Variants in RNF115 observed in about 807,000 individuals in gnomAD.
RNF115 encodes the protein E3 ubiquitin-protein ligase RNF115.
Under a neutral mutation model 39.2 loss-of-function variants are expected in RNF115, and 31 were observed. The ratio of observed to expected loss-of-function variants is 0.79; its 90% CI spans 0.59 to 1.07. The LOEUF (loss-of-function observed/expected upper bound fraction) is 1.07, where lower values mean the gene tolerates loss of function less well. Among genes scored for constraint, RNF115 ranks in the 50% least tolerant of loss-of-function variants. RNF115 has a pLI of 0.00. For synonymous variants in RNF115, 124 were observed against 131.0 expected (o/e 0.95, Z 0.37); for missense variants, 384 against 381.7 (o/e 1.01, Z -0.05).
At chr1:145,770,038 A>G (rs1348425302) in intron 4 of RNF115, among the ~76,000 whole-genome samples, 2 of 152,214 alleles carry the variant, frequency 1.3e-5, no homozygotes, top group African/African-American at 4.8e-5. Flanking sequence ...AAGAGGTTTT[A>G]GTGCTCCTTG....
At chr1:145,768,598 G>A (rs186961651) in intron 4 of RNF115, among the ~76,000 whole-genome samples, 81 of 152,216 alleles carry the variant, frequency 5.3e-4, no homozygotes, top group African/African-American at 1.8e-3. Context: ...ACAGGTGTGA[G>A]CCACCGCACC....
At chr1:145,760,753 G>A (rs782771200) in intron 4 of RNF115, among the ~76,000 whole-genome samples, 12 of 152,138 alleles carry the variant, frequency 7.9e-5, no homozygotes, top group Non-Finnish European at 1.8e-4. Context: ...TGCCAGGAGT[G>A]GGGCATTGCT....
intron 1 of RNF115, among the ~76,000 whole-genome samples, chr1:145,802,926 C>A (rs1214608195): frequency 2.6e-5 from 4 of 152,160 alleles, no homozygotes; most frequent in Non-Finnish European, 5.9e-5. Flanking sequence ...CCAGGTTATA[C>A]ATCCTCCTCC....
chr1:145,764,515 T>G (rs1456733658), intron 4 of RNF115, among the ~76,000 whole-genome samples: 1 of 149,370 alleles, frequency 6.7e-6, no homozygotes, highest in African/African-American at 2.5e-5. Context: ...GAGGAGCCCC[T>G]CCGCCCGGCA....
At chr1:145,819,846 C>T (rs1417932749) in intron 1 of RNF115, among the ~76,000 whole-genome samples, 16 of 152,088 alleles carry the variant, frequency 1.1e-4, no homozygotes, top group Non-Finnish European at 2.1e-4. Context: ...AAAGCCAACC[C>T]GGCCAACACG....
chr1:145,780,614 C>T (rs1465452651), intron 3 of RNF115, among the ~76,000 whole-genome samples: 10 of 135,320 alleles, frequency 7.4e-5, no homozygotes, highest in South Asian at 2.4e-4. Context: ...AGTGAGACTC[C>T]GTCTAAAAAA....
At position 145,784,535 on chromosome 1, in the gene RNF115, T is replaced by C. The variant is rs1648289854; in HGVS notation, c.219+4A>G. ...AGAATTCCTACAGCTAAAGGAAAAC[T>C]TACCTCTGCAAAATGTGTTGTTGTG... On this transcript the variant is annotated splice_donor_region_variant and intron_variant, in intron 3 of 8. Coordinates refer to ENST00000582693, the MANE Select transcript of RNF115 (RefSeq NM_014455.4). The C allele has an allele frequency of 6.2e-7, 1 of 1,613,618 alleles. No individual in the cohort carries two copies. The highest frequency in any genetic ancestry group is 1.3e-5 in the African/African-American group (1 of 75,032).
At chr1:145,767,777 C>G (rs1647424146) in intron 4 of RNF115, among the ~76,000 whole-genome samples, 3 of 152,258 alleles carry the variant, frequency 2.0e-5, no homozygotes, top group Admixed American at 1.3e-4. Context: ...TGGAGACCAG[C>G]CCGGCCAACA....
intron 4 of RNF115, among the ~76,000 whole-genome samples, chr1:145,764,106 G>A (rs1553714286): frequency 6.6e-6 from 1 of 152,200 alleles, no homozygotes; most frequent in Non-Finnish European, 1.5e-5. Context: ...GGTGGAGACT[G>A]GGTTTCGCTG....
chr1:145,767,143 GC>G (rs1296310684), intron 4 of RNF115, among the ~76,000 whole-genome samples: 2 of 151,070 alleles, frequency 1.3e-5, no homozygotes, highest in East Asian at 2.0e-4. Flanking sequence ...AGACGGGGCG[GC>G]TGCCGGGCGG....
intron 1 of RNF115, among the ~76,000 whole-genome samples, chr1:145,794,952 G>C (rs1270283154): frequency 6.8e-6 from 1 of 147,180 alleles, no homozygotes; most frequent in African/African-American, 2.5e-5. Flanking sequence ...GGGAGGCGGA[G>C]CTTGCCGTGA....
At position 145,742,975 on chromosome 1, in the gene RNF115, G is replaced by C. The variant is rs1188051509; in HGVS notation, c.*3891C>G. 1.3e-5 allele frequency: 2 copies of C among 152,076 alleles called. No homozygotes were observed. Among genetic ancestry groups the C allele is most frequent in the East Asian group, 1.9e-4 (1 of 5,166 alleles). The allele number at this position is 152,076 out of a possible 1,614,324, so 9.4% of individuals were successfully genotyped here. On this transcript the variant is annotated 3_prime_UTR_variant, in exon 9 of 9. Coordinates refer to ENST00000582693, the MANE Select transcript of RNF115 (RefSeq NM_014455.4). ...GAGGTCAGGAGTTTGAAAACAGCCTGACCAACATGGTGAACCACTTCTCAT... is the reference window on the plus strand; with the variant it reads ...GAGGTCAGGAGTTTGAAAACAGCCTCACCAACATGGTGAACCACTTCTCAT...
chr1:145,766,041 C>G (rs1382617909), intron 4 of RNF115, among the ~76,000 whole-genome samples: 3 of 150,070 alleles, frequency 2.0e-5, no homozygotes, highest in East Asian at 1.9e-4. Context: ...GGGTGTTTCT[C>G]GCAGAGGGAG....
intron 4 of RNF115, among the ~76,000 whole-genome samples, chr1:145,757,100 T>C (rs1210053337): frequency 6.6e-6 from 1 of 152,110 alleles, no homozygotes; most frequent in Non-Finnish European, 1.5e-5. Flanking sequence ...CCTCCCAAAG[T>C]GCTGAGATTA....
intron 1 of RNF115, among the ~76,000 whole-genome samples, chr1:145,803,450 C>T: frequency 6.6e-6 from 1 of 152,264 alleles, no homozygotes; most frequent in South Asian, 2.1e-4. Context: ...AATGCAGTGG[C>T]GTGATCTTGG....
At chr1:145,801,864 T>G (rs1402177745) in intron 1 of RNF115, among the ~76,000 whole-genome samples, 5 of 152,158 alleles carry the variant, frequency 3.3e-5, no homozygotes, top group African/African-American at 1.2e-4. Context: ...CTCGGCTCAC[T>G]GCAACCTCTG....
At chr1:145,781,900 C>CTTTT (rs34615861) in intron 3 of RNF115, among the ~76,000 whole-genome samples, 1 of 135,558 alleles carries the variant, frequency 7.4e-6, no homozygotes, top group Non-Finnish European at 1.6e-5. Flanking sequence ...TACACTTTTC[C>CTTTT]TTTTTTTTTT....
At chr1:145,763,602 G>C (rs1658616822) in intron 4 of RNF115, among the ~76,000 whole-genome samples, 1 of 152,146 alleles carries the variant, frequency 6.6e-6, no homozygotes, top group African/African-American at 2.4e-5. Flanking sequence ...GGGAGGCTGA[G>C]GCAGGAGAAT....
chr1:145,776,092 G>T (rs1385724995), intron 3 of RNF115, among the ~76,000 whole-genome samples: 1 of 150,796 alleles, frequency 6.6e-6, no homozygotes, highest in Non-Finnish European at 1.5e-5. Flanking sequence ...ACAGGGTAAG[G>T]GGGGGGCTAC....
Sources: allele counts gnomAD v4.1 joint callset (sites outside exome capture counted in the v4.1 genomes callset), GRCh38; gene constraint gnomAD v4.1.1; transcripts MANE v1.5; gene names NCBI Gene and HGNC (gene_info 2026-07-23, HGNC 2026-07-21).